The following PPP2R5C variants were observed in gnomAD, a reference collection of about 807,000 sequenced individuals.
PPP2R5C encodes serine/threonine-protein phosphatase 2A 56 kDa regulatory subunit gamma isoform.
PPP2R5C carries 7 observed loss-of-function variants against 68.9 expected under a neutral mutation model. The observed-to-expected ratio is 0.10, with a 90% CI of 0.06 to 0.19. PPP2R5C has a LOEUF of 0.19. Among genes scored for constraint, PPP2R5C ranks in the 10% least tolerant of loss-of-function variants. The probability of loss-of-function intolerance (pLI) is 1.00; values close to 1 mark genes in which losing one functional copy is unlikely to be tolerated. For synonymous variants in PPP2R5C, 210 were observed against 222.2 expected, an observed-to-expected ratio of 0.95 and a Z score of 0.49; for missense variants, 348 against 641.3, an observed-to-expected ratio of 0.54 and a Z score of 4.94.
intron 5 of PPP2R5C, 162 bp from the exon 8 acceptor site, chr14:101,890,075 G>A: frequency 1.4e-6 from 1 of 711,618 alleles, no homozygotes; most frequent in East Asian, 2.7e-5. Context: ...CAGGCCTTGA[G>A]GAGTTTCTTT....
rs1291311539 is a variant in PPP2R5C at position 101,879,035 on chromosome 14, C to A, written c.295-3126C>A. On this transcript the variant is annotated intron_variant, in intron 2 of 13. Transcript: ENST00000334743. This position sits in a 1 kb window ranked among gnomAD's most constrained non-coding sequence, Gnocchi z 4.2. ...CTTAGTCATCCCTGGTCACAGAAAT[C>A]CAATCTAGGTTAAAGCTTTCATCTC... is the stretch of plus-strand genomic sequence containing the variant. Among the ~76,000 whole-genome samples the A allele has an allele frequency of 1.4e-4, 21 of 152,214 alleles. No individual in the cohort carries two copies. The highest frequency in any genetic ancestry group is 1.0e-3 in the Admixed American group (16 of 15,288).
intron 1 of PPP2R5C, chr14:101,836,439 C>G (rs1380665303): frequency 1.4e-6 from 1 of 694,782 alleles, no homozygotes; most frequent in Non-Finnish European, 2.6e-6. Context: ...ACTGTCGTAG[C>G]TGGTTTTGTA....
Position 101,906,621 on chromosome 14 carries a change from A to C in PPP2R5C, c.1151+92A>C, listed in dbSNP as rs780477960. On this transcript the variant is annotated intron_variant, in intron 10 of 13. Coordinates refer to ENST00000334743, the Ensembl canonical transcript of PPP2R5C. The surrounding 1 kb of genome is among the most constrained non-coding windows in gnomAD (Gnocchi z 4.0). ...AGTAAGAATAAATATCAGAATTTTA[A>C]ATATCAATTAAAAAACAAGAAGGTC... The C allele has an allele frequency of 3.9e-5, 56 of 1,431,658 alleles. No homozygotes were observed. Among genetic ancestry groups the C allele is most frequent in the Non-Finnish European group, 5.1e-5 (54 of 1,063,846 alleles). 88.7% of individuals were successfully genotyped at this position (1,431,658 alleles called of 1,614,324 possible).
intron 2 of PPP2R5C, among the ~76,000 whole-genome samples, chr14:101,881,697 G>A (rs2044179149): frequency 6.6e-6 from 1 of 152,216 alleles, no homozygotes; most frequent in African/African-American, 2.4e-5. Context: ...AGAGGATGTT[G>A]GTGCCATTGT....
chr14:101,806,620 C>T (rs1273648571), upstream of PPP2R5C, among the ~76,000 whole-genome samples: 3 of 152,088 alleles, frequency 2.0e-5, no homozygotes, highest in South Asian at 2.1e-4. Context: ...GTATTTATAG[C>T]ATTTATATTT....
At chr14:101,897,133 C>T (rs969188397) in intron 8 of PPP2R5C, among the ~76,000 whole-genome samples, 2 of 152,146 alleles carry the variant, frequency 1.3e-5, no homozygotes, top group Non-Finnish European at 2.9e-5. Flanking sequence ...TAGATACCTC[C>T]GCCTGAGATT....
intron 1 of PPP2R5C, chr14:101,823,907 A>G (rs974119664): frequency 7.0e-6 from 9 of 1,277,148 alleles, no homozygotes; most frequent in South Asian, 6.2e-5. Context: ...GGTGTCATCT[A>G]GAAAAACAAG....
intron 11 of PPP2R5C, among the ~76,000 whole-genome samples, chr14:101,910,016 G>A (rs1234763466): frequency 6.6e-6 from 1 of 152,192 alleles, no homozygotes; most frequent in African/African-American, 2.4e-5. Flanking sequence ...CCATTTTCAT[G>A]TTTATAAGGC....
At chr14:101,870,794 C>T (rs1173352366) in intron 2 of PPP2R5C, among the ~76,000 whole-genome samples, 1 of 152,128 alleles carries the variant, frequency 6.6e-6, no homozygotes, top group Admixed American at 6.6e-5. Context: ...CCATTTTGGT[C>T]TTCTTGTTTT....
chr14:101,912,993 C>T (rs1445206730), intron 12 of PPP2R5C, among the ~76,000 whole-genome samples: 2 of 152,224 alleles, frequency 1.3e-5, no homozygotes, highest in East Asian at 1.9e-4. Context: ...ACCCCAGCAG[C>T]GGGTGCCAGT....
chr14:101,804,584 G>A (rs956363752), intron 3 of PPP2R5C, among the ~76,000 whole-genome samples: 3 of 152,130 alleles, frequency 2.0e-5, no homozygotes, highest in African/African-American at 7.2e-5. Context: ...TGGAACTGGA[G>A]ATCTTTATGT....
At chr14:101,819,201 C>A in intron 1 of PPP2R5C, 3 of 886,464 alleles carry the variant, frequency 3.4e-6, no homozygotes, top group Non-Finnish European at 5.3e-6. Flanking sequence ...TGTAATTGGT[C>A]AGACTTCTCA....
intron 3 of PPP2R5C, among the ~76,000 whole-genome samples, chr14:101,802,136 C>T (rs1055687472): frequency 2.0e-5 from 3 of 152,184 alleles, no homozygotes; most frequent in South Asian, 2.1e-4. Flanking sequence ...GGGACCTGGC[C>T]GGGCGCGGTG....
chr14:101,873,960 T>C (rs1462066621), intron 2 of PPP2R5C, among the ~76,000 whole-genome samples: 2 of 152,230 alleles, frequency 1.3e-5, no homozygotes, highest in Admixed American at 6.5e-5. Context: ...AATATTTGGT[T>C]GTTTCAGGCA....
chr14:101,841,703 A>G (rs1167551515), intron 1 of PPP2R5C, among the ~76,000 whole-genome samples: 2 of 152,196 alleles, frequency 1.3e-5, no homozygotes, highest in African/African-American at 2.4e-5. Context: ...AGTAAGGCAG[A>G]GGATCGGCCA....
intron 2 of PPP2R5C, among the ~76,000 whole-genome samples, chr14:101,857,179 T>C (rs2042470421): frequency 6.6e-6 from 1 of 152,270 alleles, no homozygotes; most frequent in Non-Finnish European, 1.5e-5. Context: ...TTCTATTTAT[T>C]ATTTTATCTT....
Position 101,825,735 on chromosome 14 carries a change from G to A in PPP2R5C, c.94+15699G>A, listed in dbSNP as rs753194987. 6.6e-6 allele frequency among the ~76,000 whole-genome samples: 1 copy of A among 152,216 alleles called. No homozygotes were observed. The highest frequency in any genetic ancestry group is 1.9e-4 in the East Asian group (1 of 5,200). On this transcript the variant is annotated intron_variant, in intron 1 of 13. Coordinates refer to ENST00000334743, the Ensembl canonical transcript of PPP2R5C. This position sits in a 1 kb window ranked among gnomAD's most constrained non-coding sequence, Gnocchi z 4.0. ...TCAGTTTTTGTAGGTGAATGGTAAA[G>A]CTGTCAAAACCAGATCTGCTGAAAA...
At chr14:101,921,868 C>A in intron 13 of PPP2R5C, 1 of 617,484 alleles carries the variant, frequency 1.6e-6, no homozygotes, top group Non-Finnish European at 2.0e-6. Flanking sequence ...ATTTACATTT[C>A]CTTCAAGAAA....
intron 2 of PPP2R5C, among the ~76,000 whole-genome samples, chr14:101,779,890 G>A (rs969664439): frequency 1.3e-5 from 2 of 152,154 alleles, no homozygotes; most frequent in Non-Finnish European, 2.9e-5. Context: ...GTCTATAGAG[G>A]CTGGGGTTAA....
Sources: gnomAD v4.1 joint callset for allele counts (sites outside exome capture counted in the v4.1 genomes callset) on GRCh38, gnomAD v4.1.1 for gene constraint, Gnocchi (gnomAD v3.1) non-coding constraint, MANE v1.5 for transcripts, NCBI Gene and HGNC (gene_info 2026-07-23, HGNC 2026-07-21) for gene names.